Variants in CHD7 observed in about 807,000 individuals in gnomAD.
CHD7 encodes chromodomain helicase DNA binding protein 7.
In CHD7, 24 loss-of-function variants were observed where a neutral mutation model predicts 307.3. The ratio of observed to expected loss-of-function variants is 0.08; its 90% CI spans 0.06 to 0.11. The LOEUF is 0.11. Among genes scored for constraint, CHD7 ranks in the 10% least tolerant of loss-of-function variants. The pLI is 1.00. For missense variants in CHD7, 3,106 were observed against 3,727.1 expected (o/e 0.83, Z 4.34); for synonymous variants, 1,363 against 1,349.9 (o/e 1.01, Z -0.21).
intron 34 of CHD7, 151 bp from the exon 35 acceptor site, chr8:60,860,753 T>TAAAA: frequency 3.0e-6 from 2 of 675,264 alleles, no homozygotes; most frequent in Non-Finnish European, 4.9e-6. Flanking sequence ...TGACTTTTAA[T>TAAAA]AGCTGTTCCC....
chr8:60,790,725 C>T (rs1811736924), intron 3 of CHD7, among the ~76,000 whole-genome samples: 1 of 152,194 alleles, frequency 6.6e-6, no homozygotes, highest in South Asian at 2.1e-4. Context: ...GACACAGTTT[C>T]TTCTCTGCTT....
intron 3 of CHD7, among the ~76,000 whole-genome samples, chr8:60,791,456 G>A (rs1219228656): frequency 2.0e-5 from 3 of 152,168 alleles, no homozygotes; most frequent in Admixed American, 2.0e-4. Flanking sequence ...TGCAATGTTG[G>A]TTTAAGGAAT....
In CHD7 at chr8:60,741,987, C is replaced by A. The variant is rs553486438; in HGVS notation, c.555C>A (p.His185Gln). The A allele has an allele frequency of 2.7e-5, 43 of 1,613,806 alleles. No homozygotes were observed. In the East Asian group the frequency reaches 9.6e-4, roughly 36 times the overall value. Residue 185 changes from histidine to glutamine, a missense_variant, in exon 2 of 38, where the codon CAC becomes CAA. By Grantham distance (24) the His-to-Gln change is conservative. Transcript: ENST00000423902. ...CCCCTGCACAGGGCCACCCTCAGCA[C>A]ATGCAGCAGATGGGCAGCTATATGG... ...SGPPAQGHPQ[H>Q]MQQMGSYMAR...
chr8:60,713,895 CT>C (rs201007925), intron 1 of CHD7, among the ~76,000 whole-genome samples: 3,707 of 101,764 alleles, frequency 0.036, 56 homozygotes, highest in Non-Finnish European at 0.048. Context: ...GATTTTTTTC[CT>C]TCTTTTTCTT....
intron 15 of CHD7, among the ~76,000 whole-genome samples, chr8:60,833,423 G>A (rs1804609407): frequency 6.6e-6 from 1 of 152,212 alleles, no homozygotes; most frequent in Non-Finnish European, 1.5e-5. Context: ...TATTGTTTGA[G>A]GCAGGAGGCG....
Position 60,860,909 on chromosome 8 carries a change from T to C in CHD7, c.7614T>C (p.Asp2538=), listed in dbSNP as rs1395123301. Residue 2538 remains aspartate (D), a synonymous_variant, in exon 35 of 38, where the codon GAT becomes GAC. Coordinates refer to ENST00000423902, the MANE Select transcript of CHD7 (RefSeq NM_017780.4). The stretch of plus-strand genomic sequence containing the variant: ...CCATTGTGAACTTTCTGCAGGAGGA[T>C]GCTGAGGTGACCAAAGCTTTTGAAG... ...SHKRTSLSAE[D]AEVTKAFEED... 6.2e-7 allele frequency: 1 copy of C among 1,612,316 alleles called. No homozygotes were observed. Among genetic ancestry groups the C allele is most frequent in the Non-Finnish European group, 8.5e-7 (1 of 1,178,876 alleles).
chr8:60,794,078 C>G (rs184219520), intron 3 of CHD7, among the ~76,000 whole-genome samples: 1 of 151,894 alleles, frequency 6.6e-6, no homozygotes, highest in African/African-American at 2.4e-5. Flanking sequence ...GCCAAGATCA[C>G]GCCGTTGCAT....
Position 60,862,569 on chromosome 8 carries a change from C to G in CHD7, c.7993C>G (p.Pro2665Ala), listed in dbSNP as rs752315913. Residue 2665 changes from proline to alanine, a missense_variant, in exon 37 of 38, where the codon CCA (proline) becomes GCA (alanine). Transcript: ENST00000423902. ...GKKMGGAMAP[P>A]MKDLPRWLEE... Reference sequence around the variant, plus strand: ...CCAGATGGGTGGAGCTATGGCGCCTCCAATGAAGGATCTACCCAGGTGGCT... The same window carrying G: ...CCAGATGGGTGGAGCTATGGCGCCTGCAATGAAGGATCTACCCAGGTGGCT... 4 of 1,575,762 alleles carry G rather than the reference C, an allele frequency of 2.5e-6. No homozygotes were observed. The Admixed American group carries it at 5.5e-5, about 22-fold the overall frequency.
intron 1 of CHD7, among the ~76,000 whole-genome samples, chr8:60,728,607 C>G (rs559407674): frequency 6.6e-6 from 1 of 152,118 alleles, no homozygotes; most frequent in East Asian, 1.9e-4. Flanking sequence ...CTCACTGCAA[C>G]GAGCAAGGTC....
intron 14 of CHD7, 82 bp downstream of exon 14, chr8:60,828,888 A>G (rs1804373140): frequency 7.6e-7 from 1 of 1,316,456 alleles, no homozygotes; most frequent in Non-Finnish European, 1.1e-6. Flanking sequence ...GTTATTTTAA[A>G]GTGTGATTAT....
chr8:60,845,545 C>T (rs994800505), intron 23 of CHD7, 136 bp downstream of exon 23: 27 of 928,910 alleles, frequency 2.9e-5, no homozygotes, highest in East Asian at 5.3e-5. Context: ...TGAGCATCTG[C>T]GGATCTTGGT....
chr8:60,793,760 T>A (rs952953886), intron 3 of CHD7, among the ~76,000 whole-genome samples: 1 of 152,220 alleles, frequency 6.6e-6, no homozygotes, highest in African/African-American at 2.4e-5. Flanking sequence ...AAATATTTTT[T>A]AAAAAATCAT....
intron 2 of CHD7, among the ~76,000 whole-genome samples, chr8:60,775,221 A>G (rs184043793): frequency 3.3e-5 from 5 of 152,274 alleles, no homozygotes; most frequent in Admixed American, 1.3e-4. Context: ...TTAAAATTTA[A>G]TGATTCTGAG....
At chr8:60,781,746 G>A (rs917517641) in intron 3 of CHD7, among the ~76,000 whole-genome samples, 4 of 152,150 alleles carry the variant, frequency 2.6e-5, no homozygotes, top group Non-Finnish European at 5.9e-5. Flanking sequence ...GAATAGACCA[G>A]CAACCTCATT....
intron 1 of CHD7, among the ~76,000 whole-genome samples, chr8:60,681,298 A>C (rs1246652316): frequency 6.6e-6 from 1 of 152,226 alleles, no homozygotes; most frequent in African/African-American, 2.4e-5. Flanking sequence ...TCCTTCTCCC[A>C]GCCCCCAGAG....
intron 2 of CHD7, among the ~76,000 whole-genome samples, chr8:60,749,929 T>C (rs1466693399): frequency 1.3e-5 from 2 of 152,230 alleles, no homozygotes; most frequent in Admixed American, 6.5e-5. Context: ...CTACAGCTTA[T>C]TGAGTAACCT....
At chr8:60,706,742 G>C (rs1807038784) in intron 1 of CHD7, among the ~76,000 whole-genome samples, 1 of 152,062 alleles carries the variant, frequency 6.6e-6, no homozygotes, top group Non-Finnish European at 1.5e-5. Context: ...AAGTTGACAT[G>C]CTGGAAGTTA....
intron 1 of CHD7, among the ~76,000 whole-genome samples, chr8:60,685,722 C>T (rs1165265311): frequency 1.3e-5 from 2 of 152,178 alleles, no homozygotes; most frequent in Non-Finnish European, 2.9e-5. Context: ...AAATTACCTT[C>T]AAAGTTACTT....
At chr8:60,850,994 A>G (rs773305053) in intron 26 of CHD7, 38 bp from the exon 27 acceptor site, 8 of 1,403,524 alleles carry the variant, frequency 5.7e-6, no homozygotes, top group African/African-American at 1.5e-5. Context: ...TTTGCTTATC[A>G]GTATGATTCA....
Sources: allele counts gnomAD v4.1 joint callset (sites outside exome capture counted in the v4.1 genomes callset), GRCh38; gene constraint gnomAD v4.1.1; transcripts MANE v1.5; gene names NCBI Gene and HGNC (gene_info 2026-07-23, HGNC 2026-07-21).